Variants in HSF5 observed in about 807,000 individuals in gnomAD.
HSF5 encodes heat shock transcription factor 5.
In HSF5, 5 loss-of-function variants were observed where a neutral mutation model predicts 50.8. The ratio of observed to expected loss-of-function variants is 0.10; its 90% CI spans 0.05 to 0.21. HSF5 has a LOEUF of 0.21. Among genes scored for constraint, HSF5 ranks in the 10% least tolerant of loss-of-function variants. The pLI is 1.00. For missense variants in HSF5, 564 were observed against 762.6 expected (o/e 0.74, Z 3.07); for synonymous variants, 307 against 307.4 (o/e 1.00, Z 0.02).
chr17:58,453,316 G>A (rs920447528), intron 5 of HSF5, among the ~76,000 whole-genome samples: 3 of 152,228 alleles, frequency 2.0e-5, no homozygotes, highest in East Asian at 3.9e-4. Flanking sequence ...AAACCAGGCC[G>A]GGTGCAGTGG....
chr17:58,471,652 G>C (rs1024028392), intron 2 of HSF5, among the ~76,000 whole-genome samples: 2 of 133,220 alleles, frequency 1.5e-5, no homozygotes, highest in Non-Finnish European at 3.1e-5. Context: ...ATCTTGCTCT[G>C]TTGCCCAGGC....
intron 5 of HSF5, among the ~76,000 whole-genome samples, chr17:58,422,885 G>A (rs1017056331): frequency 2.0e-5 from 3 of 152,038 alleles, no homozygotes; most frequent in Admixed American, 6.5e-5. Context: ...TAGTGGAGAC[G>A]GGGTTTCAGC....
chr17:58,440,994 A>T (rs1288158601), intron 5 of HSF5, among the ~76,000 whole-genome samples: 1 of 152,204 alleles, frequency 6.6e-6, no homozygotes, highest in African/African-American at 2.4e-5. Context: ...GAACAACATA[A>T]TCAACACTTA....
At position 58,479,996 on chromosome 17, in the gene HSF5, T is replaced by C. The variant is rs758854563; in HGVS notation, c.822A>G (p.Thr274=). 1 of 1,614,150 alleles carries C rather than the reference T, an allele frequency of 6.2e-7. No homozygotes were observed. The highest frequency in any genetic ancestry group is 8.5e-7 in the Non-Finnish European group (1 of 1,180,024). ...GAGGACCTTGTTGAACATGTACAGA[T>C]GTGGTGCTGGGCTGCAGTGTATAGG... is the stretch of plus-strand genomic sequence containing the variant. The part of the protein sequence containing the change: ...EVTYTLQPST[T]SVHVQQGPQT... Residue 274 remains threonine (T), a synonymous_variant, in exon 2 of 6, where the codon ACA becomes ACG. Transcript: ENST00000323777.
chr17:58,425,182 C>A (rs1282163741), intron 5 of HSF5, among the ~76,000 whole-genome samples: 2 of 151,972 alleles, frequency 1.3e-5, no homozygotes, highest in Non-Finnish European at 2.9e-5. Flanking sequence ...GCAGCTCACC[C>A]AAGGTCAGGA....
chr17:58,455,904 A>T (rs546914032), intron 5 of HSF5, among the ~76,000 whole-genome samples: 1 of 152,242 alleles, frequency 6.6e-6, no homozygotes, highest in African/African-American at 2.4e-5. Flanking sequence ...TTAGCATAGC[A>T]TTATAGAAAA....
chr17:58,451,117 G>C (rs1598189285), intron 5 of HSF5, among the ~76,000 whole-genome samples: 1 of 151,922 alleles, frequency 6.6e-6, no homozygotes, highest in East Asian at 1.9e-4. Context: ...GACGATAAAG[G>C]GGTTAATACA....
chr17:58,474,342 T>C (rs1256987630), intron 2 of HSF5, among the ~76,000 whole-genome samples: 1 of 152,250 alleles, frequency 6.6e-6, no homozygotes, highest in Non-Finnish European at 1.5e-5. Context: ...GCCCACATTA[T>C]GTACTAGAAG....
Position 58,459,704 on chromosome 17 carries a change from T to C in HSF5, c.1543-759A>G, listed in dbSNP as rs563023905. The stretch of plus-strand genomic sequence containing the variant: ...CAGGGTCTCGCTATGTTGCCCAGGC[T>C]GGTAACTCCTGGTCTCAGGGGATCT... On this transcript the variant is annotated intron_variant, in intron 4 of 5. Coordinates refer to ENST00000323777, the MANE Select transcript of HSF5 (RefSeq NM_001080439.3). 2.6e-5 allele frequency among the ~76,000 whole-genome samples: 4 copies of C among 151,668 alleles called. No individual in the cohort carries two copies. The South Asian group carries it at 8.4e-4, about 32-fold the overall frequency.
intron 5 of HSF5, among the ~76,000 whole-genome samples, chr17:58,444,760 T>A (rs576206143): frequency 2.6e-5 from 4 of 152,136 alleles, no homozygotes; most frequent in Non-Finnish European, 5.9e-5. Flanking sequence ...CTTAAAAGTG[T>A]CTGCTCATCA....
intron 4 of HSF5, 71 bp from the exon 5 acceptor site, chr17:58,459,016 AGAG>A: frequency 3.7e-6 from 5 of 1,366,516 alleles, no homozygotes; most frequent in Non-Finnish European, 5.1e-6. Context: ...ATATTTTATC[AGAG>A]GAGTTCTATT....
intron 5 of HSF5, 54 bp downstream of exon 5, chr17:58,458,714 T>C (rs906292854): frequency 1.1e-5 from 16 of 1,437,678 alleles, no homozygotes; most frequent in Non-Finnish European, 1.5e-5. Context: ...CATTCATATA[T>C]TAATTCTACA....
chr17:58,463,043 G>C lies in HSF5; in HGVS notation c.1281C>G (p.Ser427Arg). 1.9e-6 allele frequency: 3 copies of C among 1,614,176 alleles called. No homozygotes were observed. In the South Asian group the frequency reaches 3.3e-5, roughly 18 times the overall value. The change falls in exon 4 of 6, where the codon AGC becomes AGG. Residue 427 changes from serine (S) to arginine (R), a missense_variant. Around this residue, in one of 5 missense-constraint regions of HSF5, gnomAD observed 441 missense variants for 533.6 expected, o/e 0.83. Transcript: ENST00000323777. ...CTACAGGAGTAAGTGGCTCCAGCTGGCTAGCCTGACTTGCAGAACATGGAT... is the reference window on the plus strand; with the variant it reads ...CTACAGGAGTAAGTGGCTCCAGCTGCCTAGCCTGACTTGCAGAACATGGAT... Reference protein sequence around the residue: ...NSNPCSASQASQLEPLTPVGS... With the variant: ...NSNPCSASQARQLEPLTPVGS...
chr17:58,449,637 T>G (rs540249767), intron 5 of HSF5, among the ~76,000 whole-genome samples: 2 of 151,588 alleles, frequency 1.3e-5, no homozygotes, highest in South Asian at 4.2e-4. Flanking sequence ...GAGGCAGAGG[T>G]TGCAGTGAGC....
intron 4 of HSF5, among the ~76,000 whole-genome samples, chr17:58,462,250 C>T (rs947068655): frequency 6.6e-6 from 1 of 152,076 alleles, no homozygotes; most frequent in Non-Finnish European, 1.5e-5. Context: ...TAGCCTTTAC[C>T]TTCTGCTTTA....
intron 5 of HSF5, among the ~76,000 whole-genome samples, chr17:58,424,384 A>G (rs1371966653): frequency 2.0e-5 from 3 of 147,190 alleles, no homozygotes; most frequent in Non-Finnish European, 4.6e-5. Flanking sequence ...AGGCCGAGGC[A>G]GGCAGATCAC....
rs1567903254 is a variant in HSF5 at position 58,421,845 on chromosome 17, CAG to C, written c.*513_*514del. 2 of 152,684 alleles carry C rather than the reference CAG, an allele frequency of 1.3e-5. No homozygotes were observed. The highest frequency in any genetic ancestry group is 2.4e-5 in the African/African-American group (1 of 41,432). The allele number at this position is 152,684 out of a possible 1,614,324, so 9.5% of individuals were successfully genotyped here. A position where few individuals can be genotyped will look rare whatever the true frequency, so the allele number is the denominator to read the frequency against. Reference sequence around the variant, plus strand: ...ATCACTTAGAAAATTAGCTCTTCTCCAGAGTTTCTTCCCTGGAATTCCTGATG... The same window carrying C: ...ATCACTTAGAAAATTAGCTCTTCTCCAGTTTCTTCCCTGGAATTCCTGATG... On this transcript the variant is annotated 3_prime_UTR_variant, in exon 6 of 6. Transcript: ENST00000323777.
intron 5 of HSF5, among the ~76,000 whole-genome samples, chr17:58,435,212 A>G (rs1873949678): frequency 1.3e-5 from 2 of 152,326 alleles, no homozygotes; most frequent in South Asian, 4.1e-4. Flanking sequence ...TGACTAGAAA[A>G]TATTATAGGA....
chr17:58,475,422 T>C lies in HSF5; in HGVS notation c.925+4471A>G, dbSNP rs141904467. On this transcript the variant is annotated intron_variant, in intron 2 of 5. Transcript: ENST00000323777. ...AAAATAAACAGGATAAAAATTACAA[T>C]AGAGAATGTCAATTCCAAATAAGAT... is the stretch of plus-strand genomic sequence containing the variant. Among the ~76,000 whole-genome samples the C allele has an allele frequency of 1.2e-3, 178 of 152,308 alleles. 2 individuals are homozygous for C. Among genetic ancestry groups the C allele is most frequent in the African/African-American group, 4.1e-3 (172 of 41,574 alleles).
Sources: gnomAD v4.1 joint callset for allele counts (sites outside exome capture counted in the v4.1 genomes callset) on GRCh38, gnomAD v4.1.1 for gene constraint, gnomAD v4.1.1 regional missense constraint, MANE v1.5 for transcripts, NCBI Gene and HGNC (gene_info 2026-07-23, HGNC 2026-07-21) for gene names.